The following MAPK1IP1L variants were observed in gnomAD, a reference collection of about 807,000 sequenced individuals.
MAPK1IP1L encodes MAPK-interacting and spindle-stabilizing protein-like.
In MAPK1IP1L, 10 loss-of-function variants were observed where a neutral mutation model predicts 18.1. That is an observed-to-expected ratio of 0.55 (90% CI 0.34 to 0.94). The LOEUF (loss-of-function observed/expected upper bound fraction) is 0.94. Ranked by LOEUF, MAPK1IP1L falls within the 40% of genes least tolerant of loss-of-function variation. MAPK1IP1L has a pLI of 0.02. For missense variants in MAPK1IP1L, 260 were observed against 318.2 expected, an observed-to-expected ratio of 0.82 and a Z score of 1.39; for synonymous variants, 115 against 117.3, an observed-to-expected ratio of 0.98 and a Z score of 0.13.
At chr14:55,055,020 A>G (rs1053186890) in intron 1 of MAPK1IP1L, among the ~76,000 whole-genome samples, 1 of 152,242 alleles carries the variant, frequency 6.6e-6, no homozygotes, top group African/African-American at 2.4e-5. Flanking sequence ...TCCAAAAAGA[A>G]AAAAAAGAAA....
At chr14:55,059,176 ATTTT>A (rs199784478) in intron 1 of MAPK1IP1L, among the ~76,000 whole-genome samples, 1 of 132,462 alleles carries the variant, frequency 7.5e-6, no homozygotes, top group Non-Finnish European at 1.6e-5. Flanking sequence ...TAACACATTA[ATTTT>A]TTTTTTTAAC....
chr14:55,055,769 A>C (rs573847028), intron 1 of MAPK1IP1L, among the ~76,000 whole-genome samples: 16 of 152,152 alleles, frequency 1.1e-4, no homozygotes, highest in Admixed American at 3.3e-4. Context: ...CGTCTCTACC[A>C]AAAATTAAAA....
chr14:55,052,602 TTA>T (rs2042739408), intron 1 of MAPK1IP1L, among the ~76,000 whole-genome samples: 1 of 152,218 alleles, frequency 6.6e-6, no homozygotes, highest in African/African-American at 2.4e-5. Flanking sequence ...AGAATTTTTT[TTA>T]GTTTTACTAC....
intron 1 of MAPK1IP1L, chr14:55,060,213 C>T (rs1233473148): frequency 8.1e-6 from 1 of 123,678 alleles, no homozygotes; most frequent in Non-Finnish European, 1.6e-5. Flanking sequence ...CCTCCGTTGC[C>T]CAGGCTGGAG....
At chr14:55,053,973 A>G (rs28532794) in intron 1 of MAPK1IP1L, among the ~76,000 whole-genome samples, 2,999 of 152,146 alleles carry the variant, frequency 0.02, 99 homozygotes, top group African/African-American at 0.069. Context: ...TTTTTTTTAC[A>G]TTACACCAGT....
intron 1 of MAPK1IP1L, among the ~76,000 whole-genome samples, chr14:55,058,109 T>TCACCTA (rs1461629648): frequency 1.3e-5 from 2 of 152,160 alleles, no homozygotes; most frequent in Non-Finnish European, 2.9e-5. Context: ...CACAGGGTGC[T>TCACCTA]CTCACCTACA....
At chr14:55,056,654 T>C (rs2042773949) in intron 1 of MAPK1IP1L, among the ~76,000 whole-genome samples, 2 of 152,216 alleles carry the variant, frequency 1.3e-5, no homozygotes, top group South Asian at 2.1e-4. Context: ...GGACTACAGG[T>C]GCCCACCATT....
In MAPK1IP1L at chr14:55,067,412, T is replaced by G. The variant is rs1257938137; in HGVS notation, c.*2785T>G. The stretch of plus-strand genomic sequence containing the variant: ...AGCATCAAGAAAGGCTTTTTTCCTT[T>G]TTTCTTTTTTTTTTGGAGACAGAGT... On this transcript the variant is annotated 3_prime_UTR_variant, in exon 4 of 4. Transcript: ENST00000395468. The G allele has an allele frequency of 6.6e-6, 1 of 151,504 alleles. No individual in the cohort carries two copies. Among genetic ancestry groups the G allele is most frequent in the Non-Finnish European group, 1.5e-5 (1 of 67,930 alleles). 9.4% of individuals were successfully genotyped at this position (151,504 alleles called of 1,614,324 possible).
intron 1 of MAPK1IP1L, among the ~76,000 whole-genome samples, chr14:55,054,470 T>C (rs2042755374): frequency 6.6e-6 from 1 of 152,186 alleles, no homozygotes; most frequent in Non-Finnish European, 1.5e-5. Context: ...GTACGATACA[T>C]ATCATCCCCC....
chr14:55,069,180 AACTTG>A lies in MAPK1IP1L; in HGVS notation c.*4558_*4562del, dbSNP rs2042887755. 3 of 152,520 alleles carry A rather than the reference AACTTG, an allele frequency of 2.0e-5. No homozygotes were observed. In the South Asian group the frequency reaches 6.2e-4, roughly 32 times the overall value. 9.4% of individuals were successfully genotyped at this position (152,520 alleles called of 1,614,324 possible). ...GATACTGACTTGTTGCCATTAAGTG[AACTTG>A]ACTTCTTATGTGTGCTCTATGAGTT... On this transcript the variant is annotated 3_prime_UTR_variant, in exon 4 of 4. Coordinates refer to ENST00000395468, the MANE Select transcript of MAPK1IP1L (RefSeq NM_144578.4).
At position 55,067,819 on chromosome 14, in the gene MAPK1IP1L, G is replaced by GAT. The variant is rs1182740728; in HGVS notation, c.*3193_*3194dup. The stretch of plus-strand genomic sequence containing the variant: ...TATATTTGGTCTTGAGGGGGATACA[G>GAT]ATTATAGAATATGCTGACATTTGGG... On this transcript the variant is annotated 3_prime_UTR_variant, in exon 4 of 4. Transcript: ENST00000395468. 2 of 152,224 alleles carry GAT rather than the reference G, an allele frequency of 1.3e-5. No individual in the cohort carries two copies. Among genetic ancestry groups the GAT allele is most frequent in the Non-Finnish European group, 2.9e-5 (2 of 68,042 alleles). The allele number at this position is 152,224 out of a possible 1,614,324, so 9.4% of individuals were successfully genotyped here.
chr14:55,055,261 G>A (rs1432516907), intron 1 of MAPK1IP1L, among the ~76,000 whole-genome samples: 3 of 152,080 alleles, frequency 2.0e-5, no homozygotes, highest in African/African-American at 7.2e-5. Flanking sequence ...ACTACCAAGC[G>A]CGGCTTAGAA....
rs1440839048 is a variant in MAPK1IP1L, at chr14:55,067,953, A to AAATT, written c.*3329_*3332dup. 6.6e-6 allele frequency: 1 copy of AAATT among 152,176 alleles called. No homozygotes were observed. The highest frequency in any genetic ancestry group is 1.5e-5 in the Non-Finnish European group (1 of 68,030). The allele number at this position is 152,176 out of a possible 1,614,324, so 9.4% of individuals were successfully genotyped here. ...TGAAATGTTGAAACCAAAAAGACAA[A>AAATT]AATTAAAACATAGACCTTAGGTCGT... On this transcript the variant is annotated 3_prime_UTR_variant, in exon 4 of 4. Coordinates refer to ENST00000395468, the MANE Select transcript of MAPK1IP1L (RefSeq NM_144578.4).
chr14:55,053,204 ATTTG>A (rs1177025672), intron 1 of MAPK1IP1L, among the ~76,000 whole-genome samples: 2 of 152,176 alleles, frequency 1.3e-5, no homozygotes, highest in Non-Finnish European at 2.9e-5. Context: ...CGACTAAGAG[ATTTG>A]TTTATTAAAA....
At chr14:55,052,444 TCTC>T (rs761065844) in intron 1 of MAPK1IP1L, among the ~76,000 whole-genome samples, 63 of 152,280 alleles carry the variant, frequency 4.1e-4, no homozygotes, top group Non-Finnish European at 2.8e-4. Flanking sequence ...AATTCAGTGA[TCTC>T]CTTTTTTAGG....
intron 1 of MAPK1IP1L, among the ~76,000 whole-genome samples, chr14:55,055,585 A>T (rs1223468882): frequency 1.3e-5 from 2 of 152,186 alleles, no homozygotes; most frequent in Non-Finnish European, 2.9e-5. Context: ...CGTCCTAGGC[A>T]GGAGGGGGCA....
rs2042851499 is a variant in MAPK1IP1L at position 55,065,068 on chromosome 14, A to G, written c.*441A>G. 6.5e-6 allele frequency: 1 copy of G among 153,962 alleles called. No individual in the cohort carries two copies. The highest frequency in any genetic ancestry group is 1.4e-5 in the Non-Finnish European group (1 of 69,172). The allele number at this position is 153,962 out of a possible 1,614,324, so 9.5% of individuals were successfully genotyped here. On this transcript the variant is annotated 3_prime_UTR_variant, in exon 4 of 4. Transcript: ENST00000395468. ...GAATAACCCATCATAATCCAAACAA[A>G]TGATGCCTCAACATTTTGAGCTGCT...
At chr14:55,055,603 A>G (rs1041357911) in intron 1 of MAPK1IP1L, among the ~76,000 whole-genome samples, 1 of 152,126 alleles carries the variant, frequency 6.6e-6, no homozygotes, top group Non-Finnish European at 1.5e-5. Flanking sequence ...GCAAACTTTC[A>G]TTTTGCTACT....
Position 55,069,270 on chromosome 14 carries a change from T to G in MAPK1IP1L, c.*4643T>G, listed in dbSNP as rs2042888295. ...ACTGACAGTAATGACAAATTTAATG[T>G]ATGTAATTGTCTATGCATTTTAAGT... is the stretch of plus-strand genomic sequence containing the variant. On this transcript the variant is annotated 3_prime_UTR_variant, in exon 4 of 4. Coordinates refer to ENST00000395468, the MANE Select transcript of MAPK1IP1L (RefSeq NM_144578.4). The G allele has an allele frequency of 6.6e-6, 1 of 152,662 alleles. No homozygotes were observed. Among genetic ancestry groups the G allele is most frequent in the South Asian group, 2.1e-4 (1 of 4,834 alleles). The allele number at this position is 152,662 out of a possible 1,614,324, so 9.5% of individuals were successfully genotyped here. A position where few individuals can be genotyped will look rare whatever the true frequency, so the allele number is the denominator to read the frequency against.
Sources: allele counts gnomAD v4.1 joint callset (sites outside exome capture counted in the v4.1 genomes callset), GRCh38; gene constraint gnomAD v4.1.1; transcripts MANE v1.5; gene names NCBI Gene and HGNC (gene_info 2026-07-23, HGNC 2026-07-21).